SOS2: variants seen among roughly 807,000 people sequenced by gnomAD.
The protein encoded by SOS2 is son of sevenless homolog 2.
A neutral mutation model predicts 148.2 loss-of-function variants in SOS2; 65 were observed. That is an observed-to-expected ratio of 0.44 (90% CI 0.36 to 0.54). The LOEUF is 0.54. SOS2 is among the 20% of genes least tolerant of loss of function. The probability of loss-of-function intolerance (pLI) is 0.00; values close to 1 mark genes in which losing one functional copy is unlikely to be tolerated. For missense variants in SOS2, 1,341 were observed against 1,590.2 expected (o/e 0.84, Z 2.67); for synonymous variants, 539 against 537.1 (o/e 1.00, Z -0.05).
At chr14:50,203,370 A>G (rs1432669568) in intron 2 of SOS2, among the ~76,000 whole-genome samples, 1 of 152,106 alleles carries the variant, frequency 6.6e-6, no homozygotes, top group Admixed American at 6.6e-5. Flanking sequence ...TCCATCTCAA[A>G]AAATAAAAAT....
At chr14:50,163,267 T>A (rs973760395) in intron 8 of SOS2, among the ~76,000 whole-genome samples, 15 of 151,896 alleles carry the variant, frequency 9.9e-5, no homozygotes, top group Non-Finnish European at 2.2e-4. Flanking sequence ...AAAACTTAAA[T>A]CTATTTTGTG....
Position 50,199,720 on chromosome 14 carries a change from C to T in SOS2, c.481G>A (p.Asp161Asn). Residue 161 changes from aspartate (D) to asparagine (N), a missense_variant, in exon 4 of 23, where the codon GAC becomes AAC. Asp to Asn is a conservative substitution (Grantham distance 23). This residue lies in a region of SOS2 where 574 missense variants were observed against 711.1 expected (regional missense o/e 0.81). Coordinates refer to ENST00000216373, the MANE Select transcript of SOS2 (RefSeq NM_006939.4). ...NIRHYEISQQ[D>N]IKVSMCADKV... ...TCCGCACACATTGACACTTTAATGT[C>T]CTGCTGAGATATTTCATAATGCCGG... The T allele has an allele frequency of 6.2e-7, 1 of 1,609,208 alleles. No individual in the cohort carries two copies. Among genetic ancestry groups the T allele is most frequent in the Non-Finnish European group, 8.5e-7 (1 of 1,177,200 alleles).
intron 4 of SOS2, among the ~76,000 whole-genome samples, chr14:50,199,299 G>A (rs533570186): frequency 6.6e-6 from 1 of 152,274 alleles, no homozygotes; most frequent in Admixed American, 6.5e-5. Context: ...CTTCAACATT[G>A]CAGTCTAATT....
intron 4 of SOS2, among the ~76,000 whole-genome samples, chr14:50,189,850 ATT>A (rs67295878): frequency 7.9e-6 from 1 of 126,266 alleles, no homozygotes. Context: ...TTTATTTTTT[ATT>A]TTTTTTTTTT....
intron 8 of SOS2, among the ~76,000 whole-genome samples, chr14:50,169,405 G>A (rs1302387268): frequency 6.6e-6 from 1 of 151,988 alleles, no homozygotes; most frequent in Non-Finnish European, 1.5e-5. Context: ...GAGGCCGAAG[G>A]CAGGTGGATC....
chr14:50,194,960 T>C (rs553386173), intron 4 of SOS2, among the ~76,000 whole-genome samples: 44 of 151,964 alleles, frequency 2.9e-4, no homozygotes, highest in African/African-American at 1.0e-3. Flanking sequence ...TTGTACACTT[T>C]ACAAAAACCT....
chr14:50,178,043 T>C (rs750516453), intron 7 of SOS2, among the ~76,000 whole-genome samples: 1 of 152,086 alleles, frequency 6.6e-6, no homozygotes, highest in Non-Finnish European at 1.5e-5. Flanking sequence ...AGTTGGATAA[T>C]AGCTATAATA....
At chr14:50,127,266 C>T (rs1487821659) in intron 21 of SOS2, among the ~76,000 whole-genome samples, 1 of 151,774 alleles carries the variant, frequency 6.6e-6, no homozygotes, top group Non-Finnish European at 1.5e-5. Context: ...CTCAGCCTCC[C>T]AAATAGCTGG....
In SOS2 at chr14:50,120,394, A is replaced by G. The variant is rs1361838116; in HGVS notation, c.3380-10T>C. 8 of 1,311,386 alleles carry G rather than the reference A, an allele frequency of 6.1e-6. No homozygotes were observed. Among genetic ancestry groups the G allele is most frequent in the Non-Finnish European group, 7.7e-6 (7 of 910,976 alleles). The allele number at this position is 1,311,386 out of a possible 1,614,324, so 81.2% of individuals were successfully genotyped here. On this transcript the variant is annotated splice_polypyrimidine_tract_variant and intron_variant, in intron 21 of 22. Transcript: ENST00000216373. The stretch of plus-strand genomic sequence containing the variant: ...GAACTAAAGAAAGACTCTGGGGGAG[A>G]AAAAGACTAGTTTAACCACAATTCA...
chr14:50,196,153 GA>G (rs1886303475), intron 4 of SOS2, among the ~76,000 whole-genome samples: 1 of 152,208 alleles, frequency 6.6e-6, no homozygotes, highest in East Asian at 1.9e-4. Context: ...AGGCTGAAGG[GA>G]AGGGGGACAA....
intron 16 of SOS2, among the ~76,000 whole-genome samples, chr14:50,144,231 C>G (rs1425810258): frequency 1.3e-5 from 2 of 151,602 alleles, no homozygotes; most frequent in Non-Finnish European, 2.9e-5. Flanking sequence ...TGATAGAAAA[C>G]CTTGATGCCA....
intron 6 of SOS2, among the ~76,000 whole-genome samples, chr14:50,181,269 G>C (rs1353393668): frequency 1.3e-5 from 2 of 152,030 alleles, no homozygotes; most frequent in East Asian, 3.9e-4. Flanking sequence ...CAACAGAGAG[G>C]AACACCGTCT....
chr14:50,201,994 C>T, intron 2 of SOS2, among the ~76,000 whole-genome samples: 1 of 152,130 alleles, frequency 6.6e-6, no homozygotes. Flanking sequence ...CTGTCTGTGT[C>T]ACTTCTGGCT....
intron 4 of SOS2, among the ~76,000 whole-genome samples, chr14:50,196,126 T>C (rs1886302857): frequency 6.6e-6 from 1 of 151,968 alleles, no homozygotes; most frequent in Non-Finnish European, 1.5e-5. Context: ...AGAGGCAGAG[T>C]AGAATGTGGT....
rs186954981 is a variant in SOS2, at chr14:50,160,737, G to A, written c.1197-651C>T. 5.3e-5 allele frequency among the ~76,000 whole-genome samples: 8 copies of A among 152,258 alleles called. No individual in the cohort carries two copies. In the East Asian group the frequency reaches 1.4e-3, roughly 26 times the overall value. On this transcript the variant is annotated intron_variant, in intron 9 of 22. Transcript: ENST00000216373. ...TGGGTTGGCCAGGTGCAGTGGCTCA[G>A]ACCTGCAATCTCAACACTCTGGGAG...
At chr14:50,157,780 A>G (rs1007595533) in intron 11 of SOS2, among the ~76,000 whole-genome samples, 5 of 152,156 alleles carry the variant, frequency 3.3e-5, no homozygotes, top group Non-Finnish European at 7.4e-5. Flanking sequence ...AATAAGTTTT[A>G]GTAAGTTTTA....
intron 1 of SOS2, among the ~76,000 whole-genome samples, chr14:50,214,680 T>C (rs1375673317): frequency 2.6e-5 from 4 of 151,222 alleles, no homozygotes; most frequent in Non-Finnish European, 5.9e-5. Context: ...AGTGTGGCAG[T>C]AGACTTCATA....
intron 1 of SOS2, among the ~76,000 whole-genome samples, chr14:50,210,085 T>G (rs1030913993): frequency 6.6e-6 from 1 of 152,214 alleles, no homozygotes; most frequent in Admixed American, 6.5e-5. Flanking sequence ...TTAAAATTAC[T>G]AACAACAAAG....
intron 8 of SOS2, among the ~76,000 whole-genome samples, chr14:50,164,454 A>G (rs1264648108): frequency 6.6e-6 from 1 of 151,776 alleles, no homozygotes; most frequent in African/African-American, 2.4e-5. Flanking sequence ...AAAAAAATGA[A>G]AATAAAAATA....
Sources: allele counts gnomAD v4.1 joint callset (sites outside exome capture counted in the v4.1 genomes callset), GRCh38; gene constraint gnomAD v4.1.1; regional missense constraint gnomAD v4.1.1; transcripts MANE v1.5; gene names NCBI Gene and HGNC (gene_info 2026-07-23, HGNC 2026-07-21).